ARIH1: variants seen among roughly 807,000 people sequenced by gnomAD.
The protein encoded by ARIH1 is ariadne RBR E3 ubiquitin protein ligase 1.
Under a neutral mutation model 85.0 loss-of-function variants are expected in ARIH1, and 8 were observed. That is an observed-to-expected ratio of 0.09 (90% CI 0.06 to 0.17). The LOEUF (loss-of-function observed/expected upper bound fraction) is 0.17, where lower values mean the gene tolerates loss of function less well. Among genes scored for constraint, ARIH1 ranks in the 10% least tolerant of loss-of-function variants. The pLI is 1.00. For synonymous variants in ARIH1, 238 were observed against 253.6 expected (o/e 0.94, Z 0.59); for missense variants, 311 against 718.1 (o/e 0.43, Z 6.48).
chr15:72,575,019 G>A (rs920881726), intron 11 of ARIH1, among the ~76,000 whole-genome samples: 2 of 151,828 alleles, frequency 1.3e-5, no homozygotes, highest in Non-Finnish European at 1.5e-5. Context: ...GATTGCTTGA[G>A]CTCAGGAGTT....
intron 1 of ARIH1, among the ~76,000 whole-genome samples, chr15:72,477,568 G>A (rs973668323): frequency 2.0e-5 from 3 of 152,066 alleles, no homozygotes; most frequent in African/African-American, 7.2e-5. Flanking sequence ...GGAGTTCTGG[G>A]CAACAACATA....
intron 1 of ARIH1, among the ~76,000 whole-genome samples, chr15:72,507,721 A>C (rs752926065): frequency 6.6e-5 from 10 of 152,182 alleles, no homozygotes; most frequent in Non-Finnish European, 1.0e-4. Context: ...TGTGCTACTA[A>C]AATTGAGAAC....
chr15:72,584,182 T>C lies in ARIH1; in HGVS notation c.*890T>C, dbSNP rs16957159. 0.03 allele frequency: 4,619 copies of C among 152,312 alleles called. 126 individuals are homozygous for C. Among genetic ancestry groups the C allele is most frequent in the East Asian group, 0.12 (615 of 5,162 alleles). 9.4% of individuals were successfully genotyped at this position (152,312 alleles called of 1,614,324 possible). ...TGTCTGTTGCCGGCCATGGGCCTCA[T>C]GCCTTGAATTCCTGCTCTTGATCAG... On this transcript the variant is annotated 3_prime_UTR_variant, in exon 14 of 14. Transcript: ENST00000379887.
chr15:72,541,403 T>C (rs891900957), intron 2 of ARIH1, among the ~76,000 whole-genome samples: 8 of 152,144 alleles, frequency 5.3e-5, no homozygotes, highest in African/African-American at 1.9e-4. Flanking sequence ...AGAGACTGAA[T>C]AGGAATTGGA....
chr15:72,477,920 C>T (rs2063800820), intron 1 of ARIH1, among the ~76,000 whole-genome samples: 1 of 152,022 alleles, frequency 6.6e-6, no homozygotes, highest in African/African-American at 2.4e-5. Flanking sequence ...ATTCCCCTTG[C>T]CTCAGCTTCC....
chr15:72,531,935 A>G (rs1220551672), intron 2 of ARIH1, among the ~76,000 whole-genome samples: 2 of 152,174 alleles, frequency 1.3e-5, no homozygotes, highest in Non-Finnish European at 2.9e-5. Context: ...TTAAGCAACT[A>G]TTTGTCTGTT....
At chr15:72,571,447 C>T (rs1245120380) in intron 10 of ARIH1, among the ~76,000 whole-genome samples, 1 of 152,220 alleles carries the variant, frequency 6.6e-6, no homozygotes, top group African/African-American at 2.4e-5. Flanking sequence ...GCTCCCATAA[C>T]TGATGTATAG....
intron 2 of ARIH1, among the ~76,000 whole-genome samples, chr15:72,522,676 A>C (rs2064005641): frequency 6.6e-6 from 1 of 152,200 alleles, no homozygotes; most frequent in African/African-American, 2.4e-5. Context: ...ACAACAACAA[A>C]AAAGATAAAG....
intron 3 of ARIH1, among the ~76,000 whole-genome samples, chr15:72,551,426 G>A (rs2064152423): frequency 6.6e-6 from 1 of 152,252 alleles, no homozygotes; most frequent in Admixed American, 6.5e-5. Context: ...TTACAGAGGA[G>A]GCATTTCAAA....
Position 72,582,021 on chromosome 15 carries a change from G to T in ARIH1, c.1477-54G>T, listed in dbSNP as rs2064297164. ...TGTAGTCAACAAAACAGTGAAAATGGTTTATCTTTTAGCTTTATTTTGAAG... is the reference window on the plus strand; with the variant it reads ...TGTAGTCAACAAAACAGTGAAAATGTTTTATCTTTTAGCTTTATTTTGAAG... On this transcript the variant is annotated intron_variant, in intron 12 of 13. Transcript: ENST00000379887. This position sits in a 1 kb window ranked among gnomAD's most constrained non-coding sequence, Gnocchi z 4.6. 3 of 1,263,728 alleles carry T rather than the reference G, an allele frequency of 2.4e-6. No homozygotes were observed. Among genetic ancestry groups the T allele is most frequent in the Admixed American group, 1.9e-5 (1 of 53,954 alleles). The allele number at this position is 1,263,728 out of a possible 1,614,324, so 78.3% of individuals were successfully genotyped here.
intron 1 of ARIH1, among the ~76,000 whole-genome samples, chr15:72,498,060 T>C (rs2063886902): frequency 6.6e-6 from 1 of 152,200 alleles, no homozygotes. Flanking sequence ...TTTTCAGTTA[T>C]CTGTTTTTGA....
At chr15:72,530,158 G>T (rs1440845212) in intron 2 of ARIH1, among the ~76,000 whole-genome samples, 3 of 152,156 alleles carry the variant, frequency 2.0e-5, no homozygotes, top group Non-Finnish European at 2.9e-5. Context: ...AATTTTGACC[G>T]TTCCTTTCAC....
Position 72,589,987 on chromosome 15 carries a change from C to G in ARIH1, c.*6695C>G, listed in dbSNP as rs1040039113. Reference sequence around the variant, plus strand: ...CCATCTCAGTCTTATGATGTAGTTACTATTTTCATTTTATAAATAAGAAAA... The same window carrying G: ...CCATCTCAGTCTTATGATGTAGTTAGTATTTTCATTTTATAAATAAGAAAA... On this transcript the variant is annotated 3_prime_UTR_variant, in exon 14 of 14. Transcript: ENST00000379887. The G allele has an allele frequency of 3.3e-5, 5 of 152,134 alleles. No homozygotes were observed. Among genetic ancestry groups the G allele is most frequent in the African/African-American group, 4.8e-5 (2 of 41,428 alleles). The allele number at this position is 152,134 out of a possible 1,614,324, so 9.4% of individuals were successfully genotyped here. A position where few individuals can be genotyped will look rare whatever the true frequency, so the allele number is the denominator to read the frequency against.
intron 1 of ARIH1, among the ~76,000 whole-genome samples, chr15:72,504,146 C>T (rs1345176674): frequency 6.6e-6 from 1 of 152,214 alleles, no homozygotes; most frequent in East Asian, 1.9e-4. Flanking sequence ...CCTCTGCCTC[C>T]TGGGTTCAAG....
chr15:72,498,627 C>T (rs549287923), intron 1 of ARIH1, among the ~76,000 whole-genome samples: 3 of 151,990 alleles, frequency 2.0e-5, no homozygotes, highest in Admixed American at 6.6e-5. Context: ...GTGGATCACC[C>T]GAGGTCAGGA....
chr15:72,555,237 C>T, intron 3 of ARIH1, 34 bp from the exon 4 acceptor site: 1 of 1,502,092 alleles, frequency 6.7e-7, no homozygotes. Flanking sequence ...TCTGATAATA[C>T]CTTTGTTAAG....
At chr15:72,500,116 T>G (rs987960205) in intron 1 of ARIH1, among the ~76,000 whole-genome samples, 1 of 151,850 alleles carries the variant, frequency 6.6e-6, no homozygotes, top group Non-Finnish European at 1.5e-5. Context: ...TTTTTTTGAG[T>G]TGGAGTCTTG....
At chr15:72,552,012 T>C in intron 3 of ARIH1, among the ~76,000 whole-genome samples, 1 of 152,204 alleles carries the variant, frequency 6.6e-6, no homozygotes, top group East Asian at 1.9e-4. Flanking sequence ...CAAGTACTCT[T>C]GCACGGCATA....
chr15:72,508,662 A>G (rs2063936219), intron 1 of ARIH1, among the ~76,000 whole-genome samples: 1 of 151,250 alleles, frequency 6.6e-6, no homozygotes, highest in Non-Finnish European at 1.5e-5. Context: ...TCTCCTTTTC[A>G]GCATTCCCTT....
Sources: allele counts gnomAD v4.1 joint callset (sites outside exome capture counted in the v4.1 genomes callset), GRCh38; gene constraint gnomAD v4.1.1; non-coding constraint Gnocchi (gnomAD v3.1); transcripts MANE v1.5; gene names NCBI Gene and HGNC (gene_info 2026-07-23, HGNC 2026-07-21).